The following TBCD variants were observed in gnomAD, a reference collection of about 807,000 sequenced individuals.
TBCD encodes the protein tubulin-specific chaperone D.
TBCD carries 105 observed loss-of-function variants against 169.3 expected under a neutral mutation model. That is an observed-to-expected ratio of 0.62 (90% CI 0.53 to 0.73). The LOEUF (loss-of-function observed/expected upper bound fraction) is 0.73, where lower values mean the gene tolerates loss of function less well. TBCD is among the 30% of genes least tolerant of loss of function. The pLI is 0.00. For synonymous variants in TBCD, 700 were observed against 643.9 expected, an observed-to-expected ratio of 1.09 and a Z score of -1.32; for missense variants, 1,444 against 1,600.1, an observed-to-expected ratio of 0.90 and a Z score of 1.66.
At chr17:82,773,074 A>G (rs769901604) in intron 6 of TBCD, among the ~76,000 whole-genome samples, 1 of 152,230 alleles carries the variant, frequency 6.6e-6, no homozygotes, top group Non-Finnish European at 1.5e-5. Context: ...TCTAATCAGT[A>G]TTTTACATGA....
chr17:82,871,614 T>G (rs1261374901), intron 14 of TBCD, among the ~76,000 whole-genome samples: 1 of 152,324 alleles, frequency 6.6e-6, no homozygotes, highest in South Asian at 2.1e-4. Flanking sequence ...GGATGCAGCG[T>G]CTGAAGCTTC....
chr17:82,752,350 C>A lies in TBCD; in HGVS notation c.157C>A (p.Arg53Ser), dbSNP rs1412323506. 3 of 1,402,164 alleles carry A rather than the reference C, an allele frequency of 2.1e-6. No homozygotes were observed. Among genetic ancestry groups the A allele is most frequent in the African/African-American group, 1.5e-5 (1 of 65,534 alleles). 86.9% of individuals were successfully genotyped at this position (1,402,164 alleles called of 1,614,324 possible). A position where few individuals can be genotyped will look rare whatever the true frequency, so the allele number is the denominator to read the frequency against. ...GGAGGTGCACGGCGGCGGCGCGGAG[C>A]GCGAGGTGGCCCTGGAGCGGTTCCG... ...LREVHGGGAE[R>S]EVALERFRVI... The change falls in exon 1 of 39, where the codon CGC (arginine) becomes AGC (serine). Residue 53 changes from arginine to serine, a missense_variant. By Grantham distance (110) the Arg-to-Ser change is moderately radical (BLOSUM62 -1). Transcript: ENST00000355528.
chr17:82,757,271 G>A (rs915966040), intron 2 of TBCD, among the ~76,000 whole-genome samples: 1 of 152,178 alleles, frequency 6.6e-6, no homozygotes, highest in Non-Finnish European at 1.5e-5. Flanking sequence ...GTGCGCACAC[G>A]TGCCTCTTAA....
intron 30 of TBCD, among the ~76,000 whole-genome samples, chr17:82,928,413 C>G (rs576400837): frequency 6.6e-6 from 1 of 152,218 alleles, no homozygotes; most frequent in Non-Finnish European, 1.5e-5. Context: ...GGGGCCTGCC[C>G]TTGCTGTGTG....
chr17:82,793,161 C>G (rs1445884676), intron 7 of TBCD, among the ~76,000 whole-genome samples: 1 of 152,198 alleles, frequency 6.6e-6, no homozygotes, highest in Admixed American at 6.5e-5. Context: ...CACTCTGGGG[C>G]TCTGATTCTA....
chr17:82,828,178 CGAAT>C (rs2053083319), intron 13 of TBCD, among the ~76,000 whole-genome samples: 1 of 140,752 alleles, frequency 7.1e-6, no homozygotes, highest in Non-Finnish European at 1.5e-5. Flanking sequence ...CCCGTACAAT[CGAAT>C]GCACACACCC....
intron 7 of TBCD, 60 bp downstream of exon 7, chr17:82,781,781 C>T (rs1326117239): frequency 3.4e-5 from 54 of 1,592,784 alleles, no homozygotes; most frequent in Non-Finnish European, 4.3e-5. Flanking sequence ...ACATGGGGAC[C>T]ACGGAATGAT....
chr17:82,855,704 A>G (rs2056216330), intron 13 of TBCD, among the ~76,000 whole-genome samples: 1 of 152,224 alleles, frequency 6.6e-6, no homozygotes, highest in African/African-American at 2.4e-5. Context: ...CCAATGTTGC[A>G]CAGCTATTAC....
chr17:82,900,537 G>C (rs1241581264), intron 17 of TBCD, 114 bp from the exon 18 acceptor site: 1 of 794,652 alleles, frequency 1.3e-6, no homozygotes, highest in East Asian at 2.5e-5. Context: ...TCACGTGGTA[G>C]ATTTGAAGAA....
chr17:82,889,861 G>A lies in TBCD; in HGVS notation c.1563+164G>A, dbSNP rs2059007841. 2.0e-5 allele frequency among the ~76,000 whole-genome samples: 3 copies of A among 152,220 alleles called. No individual in the cohort carries two copies. The highest frequency in any genetic ancestry group is 2.1e-4 in the South Asian group (1 of 4,826). ...CTATAGGACGCACATGTTAAACAGC[G>A]AGTCCTGTTTCACAGGGAACCTGCA... On this transcript the variant is annotated intron_variant, in intron 16 of 38. Coordinates refer to ENST00000355528, the MANE Select transcript of TBCD (RefSeq NM_005993.5). This position sits in a 1 kb window ranked among gnomAD's most constrained non-coding sequence, Gnocchi z 5.3.
chr17:82,859,717 G>A, intron 13 of TBCD: 1 of 985,470 alleles, frequency 1.0e-6, no homozygotes, highest in Non-Finnish European at 1.2e-6. Context: ...GAGTGTGGCT[G>A]TGGAAAGATT....
intron 13 of TBCD, among the ~76,000 whole-genome samples, chr17:82,821,149 T>C (rs1460871973): frequency 1.3e-5 from 2 of 152,188 alleles, no homozygotes; most frequent in African/African-American, 4.8e-5. Context: ...CACTTTATTG[T>C]CCAGACTGCT....
In TBCD at chr17:82,927,166, T is replaced by A; in HGVS notation, c.2472-20T>A. The A allele has an allele frequency of 6.2e-7, 1 of 1,613,902 alleles. No individual in the cohort carries two copies. The highest frequency in any genetic ancestry group is 1.3e-5 in the African/African-American group (1 of 75,060). On this transcript the variant is annotated intron_variant, in intron 28 of 38. Coordinates refer to ENST00000355528, the MANE Select transcript of TBCD (RefSeq NM_005993.5). ...GGCTCACCGATGTTTGTTTGTTAGCTCACACATTTTAAATTTCAGGATTTG... is the reference window on the plus strand; with the variant it reads ...GGCTCACCGATGTTTGTTTGTTAGCACACACATTTTAAATTTCAGGATTTG...
At chr17:82,759,994 C>G (rs888104779) in intron 2 of TBCD, among the ~76,000 whole-genome samples, 4 of 150,248 alleles carry the variant, frequency 2.7e-5, no homozygotes, top group Non-Finnish European at 4.4e-5. Flanking sequence ...TCAAGAGATT[C>G]TCCTGCCTCA....
At chr17:82,850,563 T>TTGTTGGCTGTGCTGC (rs1234465264) in intron 13 of TBCD, among the ~76,000 whole-genome samples, 8 of 144,484 alleles carry the variant, frequency 5.5e-5, no homozygotes, top group African/African-American at 2.0e-4. Context: ...GGCTGTGCTG[T>TTGTTGGCTGTGCTGC]TGTTGGCTGT....
intron 11 of TBCD, 57 bp from the exon 12 acceptor site, chr17:82,809,651 A>G (rs1420886160): frequency 7.0e-6 from 11 of 1,570,720 alleles, no homozygotes; most frequent in Non-Finnish European, 9.6e-6. Context: ...CGTGTCACGC[A>G]TGCCCTTGGC....
At chr17:82,871,900 T>C (rs2057593443) in intron 14 of TBCD, among the ~76,000 whole-genome samples, 1 of 152,020 alleles carries the variant, frequency 6.6e-6, no homozygotes, top group African/African-American at 2.4e-5. Context: ...CCACTGCCTG[T>C]GTCCGACAAG....
chr17:82,890,582 A>G lies in TBCD; in HGVS notation c.1563+885A>G, dbSNP rs1301421145. 6.6e-6 allele frequency among the ~76,000 whole-genome samples: 1 copy of G among 152,028 alleles called. No individual in the cohort carries two copies. The highest frequency in any genetic ancestry group is 1.5e-5 in the Non-Finnish European group (1 of 67,996). ...CAGAGTCAGCTGGAGAGGCGGGCGG[A>G]CGAGGACTTGCGCCTGTTATTGAAA... On this transcript the variant is annotated intron_variant, in intron 16 of 38. Transcript: ENST00000355528. The surrounding 1 kb of genome is among the most constrained non-coding windows in gnomAD (Gnocchi z 5.3).
intron 13 of TBCD, among the ~76,000 whole-genome samples, chr17:82,841,351 C>G (rs1292850597): frequency 6.6e-6 from 1 of 151,134 alleles, no homozygotes; most frequent in Non-Finnish European, 1.5e-5. Flanking sequence ...AGGGTCTTGC[C>G]CTGTCACCCA....
Sources: gnomAD v4.1 joint callset for allele counts (sites outside exome capture counted in the v4.1 genomes callset) on GRCh38, gnomAD v4.1.1 for gene constraint, Gnocchi (gnomAD v3.1) non-coding constraint, MANE v1.5 for transcripts, NCBI Gene and HGNC (gene_info 2026-07-23, HGNC 2026-07-21) for gene names.